The following WWC1 variants were observed in gnomAD, a reference collection of about 807,000 sequenced individuals.
The protein encoded by WWC1 is protein KIBRA.
In WWC1, 55 loss-of-function variants were observed where a neutral mutation model predicts 138.4. The observed-to-expected ratio is 0.40, with a 90% CI of 0.32 to 0.50. The LOEUF (loss-of-function observed/expected upper bound fraction) is 0.50, where lower values mean the gene tolerates loss of function less well. Ranked by LOEUF, WWC1 falls within the 20% of genes least tolerant of loss-of-function variation. WWC1 has a pLI of 0.72. For synonymous variants in WWC1, 524 were observed against 564.9 expected (o/e 0.93, Z 1.03); for missense variants, 1,226 against 1,420.4 (o/e 0.86, Z 2.20).
intron 1 of WWC1, among the ~76,000 whole-genome samples, chr5:168,344,852 T>C (rs1774341415): frequency 6.6e-6 from 1 of 152,194 alleles, no homozygotes; most frequent in African/African-American, 2.4e-5. Context: ...GAAATGAAAC[T>C]AAAAATTTTA....
intron 1 of WWC1, among the ~76,000 whole-genome samples, chr5:168,363,585 G>A (rs1013104002): frequency 6.6e-6 from 1 of 151,346 alleles, no homozygotes; most frequent in Non-Finnish European, 1.5e-5. Context: ...AGGAAGGGAG[G>A]TGATAGAATA....
intron 1 of WWC1, among the ~76,000 whole-genome samples, chr5:168,329,112 T>C (rs904826187): frequency 4.6e-5 from 7 of 152,190 alleles, no homozygotes; most frequent in African/African-American, 1.7e-4. Flanking sequence ...GGTTTCTTCC[T>C]TCCCTCTTGG....
At chr5:168,386,203 CTCTAG>C (rs1214126279) in intron 3 of WWC1, among the ~76,000 whole-genome samples, 1 of 152,062 alleles carries the variant, frequency 6.6e-6, no homozygotes, top group African/African-American at 2.4e-5. Context: ...TCTTCCTCAA[CTCTAG>C]TCTTGGCCAT....
rs201402369 is a variant in WWC1 at position 168,408,475 on chromosome 5, C to T, written c.721-32C>T. The T allele has an allele frequency of 1.1e-4, 185 of 1,608,796 alleles. 2 individuals carry two copies. The highest frequency in any genetic ancestry group is 8.3e-4 in the Middle Eastern group (5 of 6,036). Reference sequence around the variant, plus strand: ...GACCCAGAGCTCCCTCCTGGGAAGGCGCATCACTAACCCTGCTCTCCCCTC... The same window carrying T: ...GACCCAGAGCTCCCTCCTGGGAAGGTGCATCACTAACCCTGCTCTCCCCTC... On this transcript the variant is annotated intron_variant, in intron 6 of 22. Coordinates refer to ENST00000265293, the MANE Select transcript of WWC1 (RefSeq NM_015238.3).
intron 1 of WWC1, among the ~76,000 whole-genome samples, chr5:168,314,392 A>AC (rs1340131027): frequency 1.5e-5 from 1 of 67,028 alleles, no homozygotes; most frequent in African/African-American, 4.8e-5. Flanking sequence ...ACATGGAGAA[A>AC]CCCCATCTCT....
chr5:168,367,971 T>A (rs1488418763), intron 1 of WWC1, among the ~76,000 whole-genome samples: 18 of 144,518 alleles, frequency 1.2e-4, no homozygotes, highest in Non-Finnish European at 2.3e-4. Flanking sequence ...ACACACACTC[T>A]CTTCAGGCAA....
intron 1 of WWC1, among the ~76,000 whole-genome samples, chr5:168,342,230 G>T (rs971825963): frequency 1.3e-4 from 20 of 152,226 alleles, no homozygotes; most frequent in Non-Finnish European, 1.6e-4. Flanking sequence ...ATTGTTTGGA[G>T]CAGAGGAAGG....
intron 18 of WWC1, 42 bp from the exon 19 acceptor site, chr5:168,455,312 ACT>A (rs759758601): frequency 6.2e-5 from 95 of 1,535,236 alleles, no homozygotes; most frequent in Non-Finnish European, 4.5e-5. Context: ...GGTGGCTGAG[ACT>A]CTGTGGACAC....
intron 1 of WWC1, among the ~76,000 whole-genome samples, chr5:168,306,009 GAT>G (rs1365577370): frequency 6.6e-6 from 1 of 152,212 alleles, no homozygotes; most frequent in Non-Finnish European, 1.5e-5. Flanking sequence ...AGGAATATGA[GAT>G]ATTTTAAAAC....
chr5:168,365,971 C>CT (rs1776260844), intron 1 of WWC1, among the ~76,000 whole-genome samples: 1 of 152,210 alleles, frequency 6.6e-6, no homozygotes, highest in Admixed American at 6.5e-5. Flanking sequence ...TGGTGAATTG[C>CT]TTCACCCGAG....
At chr5:168,386,608 G>T (rs1440573441) in intron 3 of WWC1, among the ~76,000 whole-genome samples, 1 of 151,410 alleles carries the variant, frequency 6.6e-6, no homozygotes, top group Non-Finnish European at 1.5e-5. Flanking sequence ...TGTTAGCCAG[G>T]ATGATCTCGA....
chr5:168,301,164 C>A (rs1770033768), intron 1 of WWC1, among the ~76,000 whole-genome samples: 1 of 152,050 alleles, frequency 6.6e-6, no homozygotes, highest in Non-Finnish European at 1.5e-5. Context: ...AAACTGAGGC[C>A]GAGAGACAAG....
Position 168,460,109 on chromosome 5 carries a change from CT to C in WWC1, c.2824-538del, listed in dbSNP as rs537252982. Among the ~76,000 whole-genome samples the C allele has an allele frequency of 3.4e-4, 52 of 152,322 alleles. 2 individuals are homozygous for C. The South Asian group carries it at 5.6e-3, about 16-fold the overall frequency. ...ATCTCTAAGGATATGGTCCCTGAGG[CT>C]TTGCCTTTAAGCTGTCTTTTTCTTT... On this transcript the variant is annotated intron_variant, in intron 19 of 22. Coordinates refer to ENST00000265293, the MANE Select transcript of WWC1 (RefSeq NM_015238.3).
intron 15 of WWC1, among the ~76,000 whole-genome samples, chr5:168,432,318 T>C (rs1782013868): frequency 6.6e-6 from 1 of 152,148 alleles, no homozygotes; most frequent in Non-Finnish European, 1.5e-5. Context: ...ATTGCCAGCC[T>C]CCTCCCTGAA....
At chr5:168,323,363 T>A (rs544059012) in intron 1 of WWC1, among the ~76,000 whole-genome samples, 2 of 151,910 alleles carry the variant, frequency 1.3e-5, no homozygotes, top group South Asian at 4.2e-4. Context: ...CTGGGCAACA[T>A]GGTGAGACCT....
intron 9 of WWC1, 82 bp downstream of exon 9, chr5:168,414,672 G>GGGGCTCCGGGCCCCT: frequency 4.8e-6 from 7 of 1,460,686 alleles, no homozygotes; most frequent in Non-Finnish European, 5.4e-6. Flanking sequence ...GAAGAATGAG[G>GGGGCTCCGGGCCCCT]GGGCTCCGGG....
chr5:168,399,546 G>A lies in WWC1; in HGVS notation c.569G>A (p.Arg190His), dbSNP rs562275436. 24 of 1,614,116 alleles carry A rather than the reference G, an allele frequency of 1.5e-5. No homozygotes were observed. Among genetic ancestry groups the A allele is most frequent in the South Asian group, 3.3e-5 (3 of 91,054 alleles). Residue 190 changes from arginine (R) to histidine (H), a missense_variant, in exon 5 of 23, where the codon CGT becomes CAT. Around this residue, in one of 3 missense-constraint regions of WWC1, gnomAD observed 1,016 missense variants for 1,153.9 expected, o/e 0.88. Coordinates refer to ENST00000265293, the MANE Select transcript of WWC1 (RefSeq NM_015238.3). ...CAGCACGAGCTGCAGTTCAAAGAGCGTGGCTTTCAGACCCTGAAGAAGTAA... is the reference window on the plus strand; with the variant it reads ...CAGCACGAGCTGCAGTTCAAAGAGCATGGCTTTCAGACCCTGAAGAAGTAA... ...HLQHELQFKE[R>H]GFQTLKKIDK...
At chr5:168,411,963 T>A in intron 8 of WWC1, 1 of 984,348 alleles carries the variant, frequency 1.0e-6, no homozygotes. Flanking sequence ...AATTGAATAC[T>A]GGTCAGGTAG....
At position 168,403,064 on chromosome 5, in the gene WWC1, T is replaced by TCTCTCTC. The variant is rs1561712413; in HGVS notation, c.591-3134_591-3133insCTCTCTC. ...TTTCTTTCTTTCTTTCTTTCTTTCT[T>TCTCTCTC]TCTTTCTTTCTTTCTTTTCTTTCTT... On this transcript the variant is annotated intron_variant, in intron 5 of 22. Coordinates refer to ENST00000265293, the MANE Select transcript of WWC1 (RefSeq NM_015238.3). Among the ~76,000 whole-genome samples the TCTCTCTC allele has an allele frequency of 8.2e-5, 10 of 121,800 alleles. No individual in the cohort carries two copies. In the East Asian group the frequency reaches 1.7e-3, roughly 21 times the overall value. 79.9% of individuals were successfully genotyped at this position (121,800 alleles called of 152,430 possible). A position where few individuals can be genotyped will look rare whatever the true frequency, so the allele number is the denominator to read the frequency against.
Sources: gnomAD v4.1 joint callset for allele counts (sites outside exome capture counted in the v4.1 genomes callset) on GRCh38, gnomAD v4.1.1 for gene constraint, gnomAD v4.1.1 regional missense constraint, MANE v1.5 for transcripts, NCBI Gene and HGNC (gene_info 2026-07-23, HGNC 2026-07-21) for gene names.